RAI14: variants seen among roughly 807,000 people sequenced by gnomAD.
RAI14 encodes the protein retinoic acid induced 14, also known as ankycorbin.
A neutral mutation model predicts 115.4 loss-of-function variants in RAI14; 45 were observed. That is an observed-to-expected ratio of 0.39 (90% CI 0.31 to 0.50). The LOEUF (loss-of-function observed/expected upper bound fraction) is 0.50. Among genes scored for constraint, RAI14 ranks in the 20% least tolerant of loss-of-function variants. The pLI, the probability that RAI14 is intolerant of heterozygous loss-of-function variation, is 0.85. For missense variants in RAI14, 939 were observed against 1,131.2 expected (o/e 0.83, Z 2.44); for synonymous variants, 371 against 415.4 (o/e 0.89, Z 1.30).
chr5:34,700,273 T>C (rs1379073069), intron 2 of RAI14, among the ~76,000 whole-genome samples: 1 of 152,174 alleles, frequency 6.6e-6, no homozygotes, highest in East Asian at 1.9e-4. Flanking sequence ...GCCTGGTGAA[T>C]AACTGGAGGG....
intron 3 of RAI14, among the ~76,000 whole-genome samples, chr5:34,775,859 G>A (rs541026634): frequency 1.8e-4 from 28 of 152,258 alleles, no homozygotes; most frequent in African/African-American, 6.7e-4. Context: ...GAACGGTTTG[G>A]AGGTTCCTCA....
intron 2 of RAI14, among the ~76,000 whole-genome samples, chr5:34,747,005 C>G (rs975977279): frequency 6.6e-6 from 1 of 152,270 alleles, no homozygotes; most frequent in East Asian, 1.9e-4. Context: ...TAAGAAGTGC[C>G]TTTTGCCTCC....
chr5:34,752,538 A>G (rs1425879139), intron 2 of RAI14, among the ~76,000 whole-genome samples: 1 of 151,238 alleles, frequency 6.6e-6, no homozygotes, highest in African/African-American at 2.4e-5. Flanking sequence ...AGAGAAACAG[A>G]GAGAGGCCAC....
At chr5:34,797,439 G>A (rs1378465700) in intron 4 of RAI14, among the ~76,000 whole-genome samples, 2 of 121,664 alleles carry the variant, frequency 1.6e-5, no homozygotes, top group Non-Finnish European at 3.8e-5. Flanking sequence ...TTTGAGAATA[G>A]GGTTTTTTTT....
At chr5:34,741,398 C>T (rs911925539) in intron 2 of RAI14, among the ~76,000 whole-genome samples, 4 of 152,188 alleles carry the variant, frequency 2.6e-5, no homozygotes, top group African/African-American at 7.2e-5. Context: ...CACTGTTCCC[C>T]TCTCTGTAAG....
intron 3 of RAI14, among the ~76,000 whole-genome samples, chr5:34,784,885 C>T (rs1325333652): frequency 5.3e-5 from 8 of 152,290 alleles, no homozygotes; most frequent in Middle Eastern, 6.8e-3. Flanking sequence ...CAGGTCGTAT[C>T]CAATTAATGT....
At chr5:34,800,111 T>C (rs55711827) in intron 4 of RAI14, among the ~76,000 whole-genome samples, 61,742 of 152,116 alleles carry the variant, frequency 0.41, 12,968 homozygotes, top group Admixed American at 0.53. Context: ...GTGATTATAG[T>C]GCAATATCAA....
At chr5:34,720,702 G>T (rs774087306) in intron 2 of RAI14, among the ~76,000 whole-genome samples, 1 of 151,874 alleles carries the variant, frequency 6.6e-6, no homozygotes, top group African/African-American at 2.4e-5. Flanking sequence ...GAGCCACCGC[G>T]CCCGGCAGAT....
chr5:34,830,664 G>GT, intron 17 of RAI14, 24 bp from the exon 18 acceptor site: 1 of 1,613,908 alleles, frequency 6.2e-7, no homozygotes, highest in Non-Finnish European at 8.5e-7. Context: ...GTTCTAATGA[G>GT]TATCTTGTGT....
At position 34,830,896 on chromosome 5, in the gene RAI14, A is replaced by G; in HGVS notation, c.*131A>G. ...CCTAGCGTAGCTTCTTCCCTTTCCA[A>G]AGGTTTCTGAGGACTTCTCCCAGGA... On this transcript the variant is annotated 3_prime_UTR_variant, in exon 18 of 18. Transcript: ENST00000265109. 2 of 1,465,474 alleles carry G rather than the reference A, an allele frequency of 1.4e-6. No individual in the cohort carries two copies. The highest frequency in any genetic ancestry group is 1.8e-6 in the Non-Finnish European group (2 of 1,104,008). 90.8% of individuals were successfully genotyped at this position (1,465,474 alleles called of 1,614,324 possible). A position where few individuals can be genotyped will look rare whatever the true frequency, so the allele number is the denominator to read the frequency against.
chr5:34,757,417 C>A (rs766469314), intron 2 of RAI14, 51 bp from the exon 3 acceptor site: 35 of 1,598,118 alleles, frequency 2.2e-5, no homozygotes, highest in Non-Finnish European at 3.0e-5. Context: ...CTGGTCAGTG[C>A]GGCTGTGGCC....
chr5:34,739,303 C>T (rs972282381), intron 2 of RAI14, among the ~76,000 whole-genome samples: 6 of 152,136 alleles, frequency 3.9e-5, no homozygotes, highest in Non-Finnish European at 8.8e-5. Flanking sequence ...AACTAACTTG[C>T]CCGAGATAAT....
chr5:34,696,615 T>C (rs1281375644), intron 2 of RAI14, among the ~76,000 whole-genome samples: 1 of 152,226 alleles, frequency 6.6e-6, no homozygotes, highest in Non-Finnish European at 1.5e-5. Flanking sequence ...TGGGGATGAT[T>C]GACTCAGCCA....
intron 1 of RAI14, among the ~76,000 whole-genome samples, chr5:34,677,632 G>C (rs2149866654): frequency 6.6e-6 from 1 of 152,072 alleles, no homozygotes; most frequent in East Asian, 1.9e-4. Flanking sequence ...TTTTTGTAGA[G>C]ATGGGGATCT....
chr5:34,752,749 G>GTGTGTGTATA (rs371462831), intron 2 of RAI14, among the ~76,000 whole-genome samples: 4 of 107,054 alleles, frequency 3.7e-5, no homozygotes, highest in African/African-American at 1.5e-4. Flanking sequence ...GTGTGTGTGT[G>GTGTGTGTATA]TATATATATA....
intron 7 of RAI14, among the ~76,000 whole-genome samples, chr5:34,808,926 A>C (rs1427097463): frequency 6.6e-6 from 1 of 152,190 alleles, no homozygotes; most frequent in Non-Finnish European, 1.5e-5. Flanking sequence ...ATGAGAATCC[A>C]GTACTGCTGC....
intron 1 of RAI14, among the ~76,000 whole-genome samples, chr5:34,662,590 G>T (rs465369): frequency 0.36 from 54,917 of 151,674 alleles, 11,509 homozygotes; most frequent in South Asian, 0.64. Context: ...ATTTCTTATT[G>T]TATCCTCTGT....
chr5:34,718,798 C>G (rs894124023), intron 2 of RAI14, among the ~76,000 whole-genome samples: 1 of 152,116 alleles, frequency 6.6e-6, no homozygotes, highest in Non-Finnish European at 1.5e-5. Context: ...ACTTAACCTC[C>G]TAGGGGTTTT....
At position 34,746,404 on chromosome 5, in the gene RAI14, C is replaced by CTT. The variant is rs35823753; in HGVS notation, c.37-11051_37-11050dup. Among the ~76,000 whole-genome samples the CTT allele has an allele frequency of 9.5e-5, 13 of 136,858 alleles. No homozygotes were observed. In the East Asian group the frequency reaches 1.1e-3, roughly 11 times the overall value. 89.8% of individuals were successfully genotyped at this position (136,858 alleles called of 152,430 possible). On this transcript the variant is annotated intron_variant, in intron 2 of 17. Coordinates refer to ENST00000265109, the MANE Select transcript of RAI14 (RefSeq NM_015577.3). Reference sequence around the variant, plus strand: ...ACAGGTGTGAGCCGCTGCGCCTGGCCTTTTTTTTTTTTTTAACGGAGACAG... The same window carrying CTT: ...ACAGGTGTGAGCCGCTGCGCCTGGCCTTTTTTTTTTTTTTTTAACGGAGACAG...
Sources: gnomAD v4.1 joint callset for allele counts (sites outside exome capture counted in the v4.1 genomes callset) on GRCh38, gnomAD v4.1.1 for gene constraint, MANE v1.5 for transcripts, NCBI Gene and HGNC (gene_info 2026-07-23, HGNC 2026-07-21) for gene names.